Variants in ZRANB3 observed in about 807,000 individuals in gnomAD.
ZRANB3 encodes the protein DNA annealing helicase and endonuclease ZRANB3.
ZRANB3 carries 125 observed loss-of-function variants against 133.8 expected under a neutral mutation model. The ratio of observed to expected loss-of-function variants is 0.93; its 90% confidence interval spans 0.81 to 1.08. The LOEUF (loss-of-function observed/expected upper bound fraction) is 1.08, where lower values mean the gene tolerates loss of function less well. ZRANB3 is among the 50% of genes least tolerant of loss of function. The probability of loss-of-function intolerance (pLI) is 0.00; values close to 1 mark genes in which losing one functional copy is unlikely to be tolerated. For synonymous variants in ZRANB3, 387 were observed against 432.7 expected (o/e 0.89, Z 1.31); for missense variants, 1,229 against 1,275.5 (o/e 0.96, Z 0.56).
At chr2:135,431,894 G>GACAT (rs1437862527) in intron 2 of ZRANB3, among the ~76,000 whole-genome samples, 1 of 152,052 alleles carries the variant, frequency 6.6e-6, no homozygotes, top group Non-Finnish European at 1.5e-5. Flanking sequence ...ATAGTTGTAC[G>GACAT]ACATTATGAA....
chr2:135,299,152 C>A (rs1367338305), intron 8 of ZRANB3, among the ~76,000 whole-genome samples: 1 of 152,158 alleles, frequency 6.6e-6, no homozygotes, highest in Non-Finnish European at 1.5e-5. Flanking sequence ...TGTCTGAGCT[C>A]AGACTCTCCT....
chr2:135,430,197 C>G (rs1689259323), intron 2 of ZRANB3, among the ~76,000 whole-genome samples: 1 of 151,390 alleles, frequency 6.6e-6, no homozygotes, highest in African/African-American at 2.4e-5. Flanking sequence ...AAAACAAAAA[C>G]AGAAACAAAA....
chr2:135,390,843 AT>A, intron 2 of ZRANB3, 23 bp from the exon 3 acceptor site: 3 of 1,466,214 alleles, frequency 2.0e-6, no homozygotes, highest in East Asian at 2.6e-5. Context: ...AAAAAAAAAA[AT>A]TAATTATCAG....
chr2:135,388,273 C>T (rs576057182), intron 3 of ZRANB3, among the ~76,000 whole-genome samples: 1 of 152,156 alleles, frequency 6.6e-6, no homozygotes, highest in Non-Finnish European at 1.5e-5. Context: ...TGGGTCACCC[C>T]TCCCATCACA....
At chr2:135,340,344 G>C (rs559583245) in intron 6 of ZRANB3, among the ~76,000 whole-genome samples, 5 of 152,072 alleles carry the variant, frequency 3.3e-5, no homozygotes, top group Admixed American at 1.3e-4. Flanking sequence ...GACCTCAGGT[G>C]ATCTACCTGG....
intron 1 of ZRANB3, among the ~76,000 whole-genome samples, chr2:135,513,674 A>G (rs1296377057): frequency 6.6e-6 from 1 of 152,178 alleles, no homozygotes; most frequent in Admixed American, 6.5e-5. Context: ...AACAACACTA[A>G]AAGCAAAAAC....
In ZRANB3 at chr2:135,390,865, T is replaced by C. The variant is rs1293341827; in HGVS notation, c.162-45A>G. On this transcript the variant is annotated intron_variant, in intron 2 of 20. Transcript: ENST00000264159. ...AAAATTAATTATCAGAGTGAACCTT[T>C]TTCCTTTTTTTTTTGAGATGGAGTC... 4 of 1,492,434 alleles carry C rather than the reference T, an allele frequency of 2.7e-6. No homozygotes were observed. In the Admixed American group the frequency reaches 1.0e-4, roughly 38 times the overall value. 92.4% of individuals were successfully genotyped at this position (1,492,434 alleles called of 1,614,324 possible).
intron 2 of ZRANB3, among the ~76,000 whole-genome samples, chr2:135,395,844 T>C (rs771633481): frequency 3.3e-5 from 5 of 152,094 alleles, no homozygotes; most frequent in Non-Finnish European, 7.4e-5. Context: ...AAAAAGCTTC[T>C]GCACAGAAAA....
At chr2:135,471,571 A>G (rs1482696335) in intron 2 of ZRANB3, among the ~76,000 whole-genome samples, 1 of 152,198 alleles carries the variant, frequency 6.6e-6, no homozygotes, top group African/African-American at 2.4e-5. Context: ...TAAAAACTTC[A>G]TATTTTATCA....
chr2:135,290,101 C>G (rs1336237263), intron 8 of ZRANB3, among the ~76,000 whole-genome samples: 1 of 152,118 alleles, frequency 6.6e-6, no homozygotes, highest in East Asian at 1.9e-4. Flanking sequence ...ATGTACATAT[C>G]TGTTATGTCC....
At chr2:135,464,780 G>A (rs1457712473) in intron 2 of ZRANB3, among the ~76,000 whole-genome samples, 1 of 152,244 alleles carries the variant, frequency 6.6e-6, no homozygotes, top group Non-Finnish European at 1.5e-5. Flanking sequence ...TCATCTGACT[G>A]CTGGGGTATA....
intron 2 of ZRANB3, among the ~76,000 whole-genome samples, chr2:135,440,128 T>C (rs1689715957): frequency 6.6e-6 from 1 of 152,226 alleles, no homozygotes; most frequent in African/African-American, 2.4e-5. Flanking sequence ...AAGTTTCTTA[T>C]ACTTCAAAAA....
intron 6 of ZRANB3, among the ~76,000 whole-genome samples, chr2:135,326,468 GT>G: frequency 6.6e-6 from 1 of 151,976 alleles, no homozygotes; most frequent in East Asian, 1.9e-4. Flanking sequence ...AAAATTTATA[GT>G]TTTTTTTAAA....
intron 6 of ZRANB3, among the ~76,000 whole-genome samples, chr2:135,342,146 T>C (rs1051568553): frequency 6.7e-6 from 1 of 149,718 alleles, no homozygotes; most frequent in African/African-American, 2.6e-5. Flanking sequence ...ATGTGATGTC[T>C]CCCCCGGACA....
chr2:135,284,832 T>C (rs1681273787), intron 8 of ZRANB3, among the ~76,000 whole-genome samples: 1 of 151,118 alleles, frequency 6.6e-6, no homozygotes, highest in African/African-American at 2.4e-5. Context: ...GGTTATTTCT[T>C]CTTTTTTTCT....
chr2:135,525,987 T>C, intron 1 of ZRANB3, among the ~76,000 whole-genome samples: 1 of 151,610 alleles, frequency 6.6e-6, no homozygotes, highest in South Asian at 2.1e-4. Flanking sequence ...GTATCTAAAG[T>C]ATGTAGTCAA....
chr2:135,470,012 C>CAAA (rs776949989), intron 2 of ZRANB3, among the ~76,000 whole-genome samples: 1 of 86,512 alleles, frequency 1.2e-5, no homozygotes, highest in African/African-American at 4.0e-5. Context: ...ACTCTTACCT[C>CAAA]AAAAAAAAAA....
At chr2:135,343,890 G>A (rs560665765) in intron 6 of ZRANB3, among the ~76,000 whole-genome samples, 8 of 146,782 alleles carry the variant, frequency 5.5e-5, no homozygotes, top group Non-Finnish European at 7.4e-5. Flanking sequence ...GAAAAGTATG[G>A]AAAAAGAAAC....
chr2:135,290,717 T>C (rs1299446930), intron 8 of ZRANB3, among the ~76,000 whole-genome samples: 2 of 136,630 alleles, frequency 1.5e-5, no homozygotes, highest in African/African-American at 2.7e-5. Flanking sequence ...CCCTGTGAGA[T>C]TTATGCTTTA....
Sources: allele counts gnomAD v4.1 joint callset (sites outside exome capture counted in the v4.1 genomes callset), GRCh38; gene constraint gnomAD v4.1.1; transcripts MANE v1.5; gene names NCBI Gene and HGNC (gene_info 2026-07-23, HGNC 2026-07-21).